The following LHFPL6 variants were observed in gnomAD, a reference collection of about 807,000 sequenced individuals.
LHFPL6 encodes the protein LHFPL tetraspan subfamily member 6 protein.
A neutral mutation model predicts 20.6 loss-of-function variants in LHFPL6; 9 were observed. That is an observed-to-expected ratio of 0.44 (90% CI 0.26 to 0.76). The LOEUF is 0.76. Among genes scored for constraint, LHFPL6 ranks in the 30% least tolerant of loss-of-function variants. The probability of loss-of-function intolerance (pLI) is 0.20; values close to 1 mark genes in which losing one functional copy is unlikely to be tolerated. For synonymous variants in LHFPL6, 105 were observed against 98.7 expected (o/e 1.06, Z -0.38); for missense variants, 218 against 253.5 (o/e 0.86, Z 0.95).
chr13:39,404,652 G>A (rs774289788), intron 2 of LHFPL6, among the ~76,000 whole-genome samples: 3 of 152,178 alleles, frequency 2.0e-5, no homozygotes, highest in Admixed American at 6.5e-5. Flanking sequence ...TTCCAGCAAA[G>A]ACTTCAACAA....
intron 2 of LHFPL6, among the ~76,000 whole-genome samples, chr13:39,593,226 T>A (rs1331862566): frequency 1.3e-5 from 2 of 152,208 alleles, no homozygotes; most frequent in Non-Finnish European, 2.9e-5. Context: ...GAAAAGCCCA[T>A]TGTCTCAGCC....
At chr13:39,375,025 A>G (rs1186468) in intron 3 of LHFPL6, among the ~76,000 whole-genome samples, 105,722 of 152,188 alleles carry the variant, frequency 0.69, 37,044 homozygotes, top group East Asian at 0.85. Context: ...ACAACATATC[A>G]AAAACAGCAC....
At chr13:39,532,262 A>C (rs1870489168) in intron 2 of LHFPL6, among the ~76,000 whole-genome samples, 1 of 152,078 alleles carries the variant, frequency 6.6e-6, no homozygotes, top group Non-Finnish European at 1.5e-5. Flanking sequence ...GTGGTTCCCA[A>C]GTGCCTACCA....
At chr13:39,494,684 C>T (rs1869038848) in intron 2 of LHFPL6, among the ~76,000 whole-genome samples, 1 of 152,170 alleles carries the variant, frequency 6.6e-6, no homozygotes, top group Non-Finnish European at 1.5e-5. Flanking sequence ...TCTATAGCTA[C>T]AGCTCACAAA....
chr13:39,378,630 CT>C, intron 2 of LHFPL6, 104 bp from the exon 3 acceptor site: 3 of 763,294 alleles, frequency 3.9e-6, no homozygotes, highest in South Asian at 1.9e-5. Flanking sequence ...ATAGCGTCTG[CT>C]TTTTAGACAG....
chr13:39,584,294 C>T (rs533673467), intron 2 of LHFPL6, among the ~76,000 whole-genome samples: 1 of 152,106 alleles, frequency 6.6e-6, no homozygotes, highest in Non-Finnish European at 1.5e-5. Flanking sequence ...GTAATCCCAG[C>T]ACTTTGGGAG....
In LHFPL6 at chr13:39,360,007, A is replaced by T. The variant is rs114544348; in HGVS notation, c.485-15953T>A. ...AGCCACTTCAACAGAAAGAGGAGAC[A>T]GGATTTTGTTTTGTTTTGTTTTGTT... On this transcript the variant is annotated intron_variant, in intron 3 of 3. Transcript: ENST00000379589. 7.2e-3 allele frequency among the ~76,000 whole-genome samples: 1,088 copies of T among 151,630 alleles called. 18 individuals carry two copies. Among genetic ancestry groups the T allele is most frequent in the African/African-American group, 0.025 (1,037 of 41,130 alleles).
At chr13:39,466,523 T>C (rs1285939651) in intron 2 of LHFPL6, among the ~76,000 whole-genome samples, 1 of 152,240 alleles carries the variant, frequency 6.6e-6, no homozygotes, top group East Asian at 1.9e-4. Flanking sequence ...GTCTTGACTT[T>C]ACAAAGGTCA....
At chr13:39,582,411 G>C (rs1383936015) in intron 2 of LHFPL6, among the ~76,000 whole-genome samples, 1 of 152,080 alleles carries the variant, frequency 6.6e-6, no homozygotes, top group African/African-American at 2.4e-5. Context: ...GTATTTGGAG[G>C]GTAAGGCCAT....
intron 2 of LHFPL6, among the ~76,000 whole-genome samples, chr13:39,490,953 C>A (rs1251283656): frequency 6.6e-6 from 1 of 152,114 alleles, no homozygotes; most frequent in Non-Finnish European, 1.5e-5. Context: ...CAACAGATGA[C>A]CAACTCAAAC....
At chr13:39,427,643 T>TA (rs1265817110) in intron 2 of LHFPL6, among the ~76,000 whole-genome samples, 6 of 152,212 alleles carry the variant, frequency 3.9e-5, no homozygotes, top group Non-Finnish European at 4.4e-5. Flanking sequence ...CATCAATATG[T>TA]AAAAAAATTT....
At chr13:39,381,033 C>A (rs1380459255) in intron 2 of LHFPL6, among the ~76,000 whole-genome samples, 3 of 151,988 alleles carry the variant, frequency 2.0e-5, no homozygotes, top group Non-Finnish European at 4.4e-5. Context: ...GAAATAAAGT[C>A]CACACTAAAT....
intron 2 of LHFPL6, among the ~76,000 whole-genome samples, chr13:39,457,262 T>C (rs1872593324): frequency 6.6e-6 from 1 of 152,240 alleles, no homozygotes; most frequent in South Asian, 2.1e-4. Context: ...AGCTTGTATC[T>C]ACAATATACG....
intron 2 of LHFPL6, among the ~76,000 whole-genome samples, chr13:39,561,387 C>A (rs1566141601): frequency 6.6e-6 from 1 of 152,164 alleles, no homozygotes; most frequent in African/African-American, 2.4e-5. Context: ...AAGATCCCCA[C>A]AACTTAATGT....
At chr13:39,359,979 T>C (rs1173346153) in intron 3 of LHFPL6, among the ~76,000 whole-genome samples, 1 of 152,138 alleles carries the variant, frequency 6.6e-6, no homozygotes, top group African/African-American at 2.4e-5. Context: ...CTTAGAGTAT[T>C]GGAGCCACTT....
At chr13:39,464,855 C>T (rs1262734616) in intron 2 of LHFPL6, among the ~76,000 whole-genome samples, 1 of 152,048 alleles carries the variant, frequency 6.6e-6, no homozygotes, top group African/African-American at 2.4e-5. Flanking sequence ...AAAATATGGC[C>T]TTAACTGTTA....
At chr13:39,596,135 T>C (rs1044222466) in intron 2 of LHFPL6, among the ~76,000 whole-genome samples, 1 of 152,082 alleles carries the variant, frequency 6.6e-6, no homozygotes, top group African/African-American at 2.4e-5. Flanking sequence ...TTATAACATA[T>C]ATATGTATGT....
chr13:39,588,488 T>C (rs1463930440), intron 2 of LHFPL6, among the ~76,000 whole-genome samples: 1 of 152,232 alleles, frequency 6.6e-6, no homozygotes, highest in Non-Finnish European at 1.5e-5. Flanking sequence ...TGAAACAAAG[T>C]GTTAAATAAA....
At chr13:39,426,365 C>G (rs890264170) in intron 2 of LHFPL6, among the ~76,000 whole-genome samples, 1 of 152,032 alleles carries the variant, frequency 6.6e-6, no homozygotes, top group Non-Finnish European at 1.5e-5. Flanking sequence ...GGATTACAGG[C>G]ATGTGCCACC....
Sources: allele counts gnomAD v4.1 joint callset (sites outside exome capture counted in the v4.1 genomes callset), GRCh38; gene constraint gnomAD v4.1.1; transcripts MANE v1.5; gene names NCBI Gene and HGNC (gene_info 2026-07-23, HGNC 2026-07-21).